The following ALDH5A1 variants were observed in gnomAD, a reference collection of about 807,000 sequenced individuals.
ALDH5A1 encodes the protein succinate-semialdehyde dehydrogenase, mitochondrial.
In ALDH5A1, 33 loss-of-function variants were observed where a neutral mutation model predicts 54.7. The ratio of observed to expected loss-of-function variants is 0.60; its 90% confidence interval spans 0.46 to 0.81. The LOEUF (loss-of-function observed/expected upper bound fraction) is 0.81, where lower values mean the gene tolerates loss of function less well. Ranked by LOEUF, ALDH5A1 falls within the 30% of genes least tolerant of loss-of-function variation. The probability of loss-of-function intolerance (pLI) is 0.00; values close to 1 mark genes in which losing one functional copy is unlikely to be tolerated. For synonymous variants in ALDH5A1, 294 were observed against 292.7 expected, an observed-to-expected ratio of 1.00 and a Z score of -0.05; for missense variants, 657 against 711.0, an observed-to-expected ratio of 0.92 and a Z score of 0.86.
At chr6:24,507,671 A>G (rs1759385042) in intron 4 of ALDH5A1, among the ~76,000 whole-genome samples, 2 of 151,192 alleles carry the variant, frequency 1.3e-5, no homozygotes, top group African/African-American at 4.9e-5. Flanking sequence ...AACTCCTGAT[A>G]TCCATGAGTT....
chr6:24,497,279 T>C (rs1764732189), intron 1 of ALDH5A1, among the ~76,000 whole-genome samples: 1 of 152,176 alleles, frequency 6.6e-6, no homozygotes, highest in Non-Finnish European at 1.5e-5. Context: ...TTTTTTTCAA[T>C]CCTCCCTGCG....
At chr6:24,530,997 C>T (rs989750290) in intron 8 of ALDH5A1, among the ~76,000 whole-genome samples, 21 of 152,236 alleles carry the variant, frequency 1.4e-4, no homozygotes, top group African/African-American at 5.1e-4. Flanking sequence ...AATTTATTGG[C>T]CTCCAGAAAT....
chr6:24,520,599 G>A, intron 6 of ALDH5A1, 55 bp downstream of exon 6: 1 of 1,601,376 alleles, frequency 6.2e-7, no homozygotes, highest in African/African-American at 1.4e-5. Flanking sequence ...GTGTGAGTGT[G>A]TGTATGTGTG....
intron 1 of ALDH5A1, among the ~76,000 whole-genome samples, chr6:24,496,858 A>T (rs1364799860): frequency 6.6e-6 from 1 of 152,080 alleles, no homozygotes; most frequent in Non-Finnish European, 1.5e-5. Flanking sequence ...CTATTTCCAA[A>T]TGCACTCACA....
At chr6:24,522,364 G>T (rs997187485) in intron 6 of ALDH5A1, among the ~76,000 whole-genome samples, 1 of 151,838 alleles carries the variant, frequency 6.6e-6, no homozygotes, top group African/African-American at 2.4e-5. Context: ...CTCTGCTGTT[G>T]CTGCAGCATC....
chr6:24,510,869 G>A (rs1759445087), intron 4 of ALDH5A1, among the ~76,000 whole-genome samples: 1 of 151,440 alleles, frequency 6.6e-6, no homozygotes, highest in Non-Finnish European at 1.5e-5. Context: ...GAATACTTTT[G>A]GGTTTTGTTT....
intron 3 of ALDH5A1, among the ~76,000 whole-genome samples, chr6:24,503,872 A>G (rs1759258844): frequency 6.6e-6 from 1 of 152,244 alleles, no homozygotes; most frequent in African/African-American, 2.4e-5. Context: ...TGGACCCACT[A>G]GCAGGCACTG....
intron 6 of ALDH5A1, among the ~76,000 whole-genome samples, chr6:24,521,288 C>T (rs1210698052): frequency 1.3e-5 from 2 of 152,310 alleles, no homozygotes; most frequent in African/African-American, 4.8e-5. Flanking sequence ...GCTCTACAAA[C>T]GTTGCATTTT....
At chr6:24,500,378 A>G (rs1764795753) in intron 1 of ALDH5A1, among the ~76,000 whole-genome samples, 1 of 152,178 alleles carries the variant, frequency 6.6e-6, no homozygotes, top group Non-Finnish European at 1.5e-5. Flanking sequence ...ATAATAGGGA[A>G]CAATACTTGA....
At chr6:24,531,603 T>G (rs1466863624) in intron 8 of ALDH5A1, among the ~76,000 whole-genome samples, 1 of 152,218 alleles carries the variant, frequency 6.6e-6, no homozygotes, top group Admixed American at 6.5e-5. Flanking sequence ...AATAAAATTT[T>G]AAAGCTAGAA....
chr6:24,512,534 T>C (rs1759478710), intron 4 of ALDH5A1, among the ~76,000 whole-genome samples: 1 of 152,250 alleles, frequency 6.6e-6, no homozygotes, highest in Admixed American at 6.5e-5. Context: ...TCTGATTCTT[T>C]CCTATATTCC....
chr6:24,502,527 G>A lies in ALDH5A1; in HGVS notation c.359G>A (p.Arg120Lys). ...CRWREVSAKERSSLLRKWYNL... is the reference protein window; with the variant it reads ...CRWREVSAKEKSSLLRKWYNL... ...GCCTTGTTATTTCTTTTGCAGGAGA[G>A]GAGTTCATTACTTCGGAAGTGGTAC... Residue 120 changes from arginine (R) to lysine (K), a missense_variant, in exon 2 of 10, where the codon AGG becomes AAG. Coordinates refer to ENST00000357578, the MANE Select transcript of ALDH5A1 (RefSeq NM_001080.3). The A allele has an allele frequency of 6.2e-7, 1 of 1,609,212 alleles. No individual in the cohort carries two copies. The highest frequency in any genetic ancestry group is 1.1e-5 in the South Asian group (1 of 90,976).
chr6:24,503,582 G>A (rs1356337567), intron 3 of ALDH5A1, 149 bp downstream of exon 3: 16 of 913,174 alleles, frequency 1.8e-5, no homozygotes, highest in Non-Finnish European at 2.7e-5. Flanking sequence ...ATGTGGAAGT[G>A]TGTTTCCTAG....
At position 24,532,185 on chromosome 6, in the gene ALDH5A1, T is replaced by C; in HGVS notation, c.1402+8T>C. The C allele has an allele frequency of 3.1e-6, 5 of 1,613,686 alleles. No homozygotes were observed. The highest frequency in any genetic ancestry group is 4.2e-6 in the Non-Finnish European group (5 of 1,179,586). On this transcript the variant is annotated splice_region_variant and intron_variant, in intron 9 of 9. Transcript: ENST00000357578. ...CTGATGTTGGGTTAGCAGGTAGGTG[T>C]TTGTCCTTGTTCAATACCAGTCATA...
At chr6:24,495,388 G>C (rs1475532457) in intron 1 of ALDH5A1, 38 bp downstream of exon 1, 1 of 1,525,438 alleles carries the variant, frequency 6.6e-7, no homozygotes, top group African/African-American at 1.4e-5. Flanking sequence ...GAGCTGGCCG[G>C]GGACACGGCG....
intron 5 of ALDH5A1, among the ~76,000 whole-genome samples, chr6:24,516,628 A>G (rs1759580036): frequency 6.6e-6 from 1 of 151,954 alleles, no homozygotes; most frequent in East Asian, 2.0e-4. Flanking sequence ...TCATGTCCAT[A>G]AACACATAAC....
At position 24,503,516 on chromosome 6, in the gene ALDH5A1, T is replaced by A. The variant is rs557412724; in HGVS notation, c.609+83T>A. ...CAATTCATTCTTCCTCGTGAGCAGG[T>A]GTGCTCATCCTGTTAGTTTTGTCAC... On this transcript the variant is annotated intron_variant, in intron 3 of 9. Coordinates refer to ENST00000357578, the MANE Select transcript of ALDH5A1 (RefSeq NM_001080.3). The A allele has an allele frequency of 9.3e-6, 14 of 1,504,564 alleles. No individual in the cohort carries two copies. The East Asian group carries it at 3.2e-4, about 35-fold the overall frequency. The allele number at this position is 1,504,564 out of a possible 1,614,324, so 93.2% of individuals were successfully genotyped here. A position where few individuals can be genotyped will look rare whatever the true frequency, so the allele number is the denominator to read the frequency against.
chr6:24,530,207 C>A (rs1162558600), intron 8 of ALDH5A1, among the ~76,000 whole-genome samples: 3 of 152,050 alleles, frequency 2.0e-5, no homozygotes, highest in African/African-American at 7.2e-5. Flanking sequence ...ATGCATTCTT[C>A]AGATATACTC....
At chr6:24,533,399 C>T (rs1460783662) in intron 9 of ALDH5A1, 108 bp from the exon 10 acceptor site, 1 of 1,177,328 alleles carries the variant, frequency 8.5e-7, no homozygotes, top group Non-Finnish European at 1.2e-6. Flanking sequence ...GGGAAGACTC[C>T]AGGCCCAAGT....
Sources: allele counts gnomAD v4.1 joint callset (sites outside exome capture counted in the v4.1 genomes callset), GRCh38; gene constraint gnomAD v4.1.1; transcripts MANE v1.5; gene names NCBI Gene and HGNC (gene_info 2026-07-23, HGNC 2026-07-21).